Variants in PCSK5 observed in about 807,000 individuals in gnomAD.
The protein encoded by PCSK5 is prohormone convertase 5.
Under a neutral mutation model 233.2 loss-of-function variants are expected in PCSK5, and 129 were observed. The observed-to-expected ratio is 0.55, with a 90% CI of 0.48 to 0.64. The LOEUF (loss-of-function observed/expected upper bound fraction) is 0.64. Ranked by LOEUF, PCSK5 falls within the 30% of genes least tolerant of loss-of-function variation. PCSK5 has a pLI of 0.00. For missense variants in PCSK5, 2,076 were observed against 2,430.1 expected, an observed-to-expected ratio of 0.85 and a Z score of 3.06; for synonymous variants, 825 against 879.2, an observed-to-expected ratio of 0.94 and a Z score of 1.09.
chr9:76,189,014 A>G (rs1824235675), intron 18 of PCSK5, 80 bp from the exon 19 acceptor site: 2 of 1,236,484 alleles, frequency 1.6e-6, no homozygotes, highest in Non-Finnish European at 2.3e-6. Flanking sequence ...CCATTTTCTC[A>G]AACTGTTAAA....
chr9:76,152,103 G>A (rs551125051), intron 10 of PCSK5, among the ~76,000 whole-genome samples: 2 of 152,276 alleles, frequency 1.3e-5, no homozygotes, highest in South Asian at 4.1e-4. Flanking sequence ...GTAGGTGCAG[G>A]ATGCCTGACT....
At chr9:76,209,001 G>A (rs1288092505) in intron 20 of PCSK5, among the ~76,000 whole-genome samples, 1 of 152,162 alleles carries the variant, frequency 6.6e-6, no homozygotes, top group African/African-American at 2.4e-5. Context: ...CTTCTGTGCT[G>A]GAAAGACATT....
chr9:76,223,906 C>T (rs1191132766), intron 20 of PCSK5, among the ~76,000 whole-genome samples: 3 of 152,196 alleles, frequency 2.0e-5, no homozygotes, highest in Non-Finnish European at 4.4e-5. Flanking sequence ...CTGGTTTCTT[C>T]AGTTCCAAAC....
intron 2 of PCSK5, among the ~76,000 whole-genome samples, chr9:75,954,144 G>T (rs940772135): frequency 6.6e-6 from 1 of 152,162 alleles, no homozygotes; most frequent in Non-Finnish European, 1.5e-5. Context: ...AAGTGATTTT[G>T]TAAACATGCT....
chr9:75,987,796 A>G (rs1826587095), intron 3 of PCSK5, among the ~76,000 whole-genome samples: 1 of 152,218 alleles, frequency 6.6e-6, no homozygotes. Flanking sequence ...TGCACTGACA[A>G]AATGATAAGA....
chr9:76,143,190 C>T (rs1297512950), intron 10 of PCSK5, among the ~76,000 whole-genome samples: 3 of 151,678 alleles, frequency 2.0e-5, no homozygotes, highest in Non-Finnish European at 4.4e-5. Flanking sequence ...TTGTGTTTCT[C>T]GGGGACTGGA....
chr9:76,327,487 C>T (rs72743128), intron 32 of PCSK5, among the ~76,000 whole-genome samples: 18,315 of 152,144 alleles, frequency 0.12, 1,264 homozygotes, highest in African/African-American at 0.15. Context: ...AAATACTTAT[C>T]GATTCCTATT....
intron 10 of PCSK5, among the ~76,000 whole-genome samples, chr9:76,139,796 A>C (rs1823133221): frequency 6.6e-6 from 1 of 152,130 alleles, no homozygotes; most frequent in South Asian, 2.1e-4. Flanking sequence ...ACAAAAACTA[A>C]ACAAACAAAC....
At chr9:75,912,726 A>G (rs1025371803) in intron 1 of PCSK5, among the ~76,000 whole-genome samples, 2 of 152,232 alleles carry the variant, frequency 1.3e-5, no homozygotes, top group Non-Finnish European at 2.9e-5. Flanking sequence ...GAATGTGTAC[A>G]TACATACACA....
chr9:76,007,795 T>TG (rs1563969163), intron 3 of PCSK5, among the ~76,000 whole-genome samples: 12 of 132,874 alleles, frequency 9.0e-5, no homozygotes, highest in South Asian at 2.8e-4. Flanking sequence ...CCCGGCTAAT[T>TG]TTGTGTGTGT....
rs1416679687 is a variant in PCSK5, at chr9:76,310,769, G to A, written c.3802G>A (p.Ala1268Thr). 1.2e-6 allele frequency: 2 copies of A among 1,612,296 alleles called. No homozygotes were observed. Among genetic ancestry groups the A allele is most frequent in the Non-Finnish European group, 8.5e-7 (1 of 1,179,670 alleles). Residue 1268 changes from alanine to threonine, a missense_variant, in exon 30 of 38, where the codon GCC becomes ACC. This residue lies in a region of PCSK5 where 1,510 missense variants were observed against 1,538.1 expected (regional missense o/e 0.98). Transcript: ENST00000674117. ...CTEACAICSG[A>T]DLCKKCQMQP... ...GGAGGCCTGTGCCATCTGCTCTGGA[G>A]CCGATCTTTGCAAAAAATGCCAGAT...
chr9:76,228,526 T>G (rs560020943), intron 21 of PCSK5, among the ~76,000 whole-genome samples: 1 of 152,346 alleles, frequency 6.6e-6, no homozygotes, highest in Admixed American at 6.5e-5. Context: ...CTCAGTAATG[T>G]TTGCTAACTG....
At chr9:76,299,786 G>T (rs751293078) in intron 27 of PCSK5, among the ~76,000 whole-genome samples, 1 of 152,336 alleles carries the variant, frequency 6.6e-6, no homozygotes. Context: ...AGGTATGGCA[G>T]ACCACGGGCT....
At position 76,169,843 on chromosome 9, in the gene PCSK5, G is replaced by A. The variant is rs755254542; in HGVS notation, c.1756+3G>A. 1.2e-6 allele frequency: 2 copies of A among 1,612,436 alleles called. No homozygotes were observed. Among genetic ancestry groups the A allele is most frequent in the African/African-American group, 1.3e-5 (1 of 74,964 alleles). ...GCTAAGGAACTTTAAGACTCCAGGT[G>A]AGAACTCCCTTTCTATACATTGTTC... On this transcript the variant is annotated splice_donor_region_variant and intron_variant, in intron 13 of 37. Coordinates refer to ENST00000674117, the MANE Select transcript of PCSK5 (RefSeq NM_001372043.1).
At chr9:76,186,073 C>T (rs10869723) in intron 17 of PCSK5, among the ~76,000 whole-genome samples, 37,936 of 151,920 alleles carry the variant, frequency 0.25, 4,953 homozygotes, top group Middle Eastern at 0.41. Context: ...TAAAAAGATA[C>T]AGGGGAAATG....
intron 31 of PCSK5, 22 bp downstream of exon 31, chr9:76,321,661 G>A (rs755993312): frequency 3.3e-5 from 50 of 1,522,296 alleles, no homozygotes; most frequent in Non-Finnish European, 4.2e-5. Flanking sequence ...CTTCCCACAG[G>A]AGAGCAAGGC....
At chr9:76,326,820 A>G (rs78627779) in intron 32 of PCSK5, among the ~76,000 whole-genome samples, 4 of 150,964 alleles carry the variant, frequency 2.6e-5, no homozygotes, top group Non-Finnish European at 5.9e-5. Context: ...AGCCAAGAGC[A>G]AAAATAAGGC....
At position 76,163,859 on chromosome 9, in the gene PCSK5, C is replaced by CTTTT. The variant is rs67386134; in HGVS notation, c.1619+4705_1619+4708dup. Among the ~76,000 whole-genome samples the CTTTT allele has an allele frequency of 2.4e-3, 239 of 97,660 alleles. 6 individuals carry two copies. Among genetic ancestry groups the CTTTT allele is most frequent in the East Asian group, 0.01 (33 of 3,220 alleles). 64.1% of individuals were successfully genotyped at this position (97,660 alleles called of 152,430 possible). ...ATCTGTTAGAATTATAAAAAGCTGT[C>CTTTT]TTTTTTTTTTTTTTTTTTTTCCTGA... On this transcript the variant is annotated intron_variant, in intron 12 of 37. Coordinates refer to ENST00000674117, the MANE Select transcript of PCSK5 (RefSeq NM_001372043.1).
rs12342849 is a variant in PCSK5, at chr9:76,133,446, C to G, written c.1209-663C>G. Among the ~76,000 whole-genome samples, 1,454 of 152,032 alleles carry G rather than the reference C, an allele frequency of 9.6e-3. 30 individuals are homozygous for G. The highest frequency in any genetic ancestry group is 0.033 in the African/African-American group (1,376 of 41,466). On this transcript the variant is annotated intron_variant, in intron 9 of 37. Coordinates refer to ENST00000674117, the MANE Select transcript of PCSK5 (RefSeq NM_001372043.1). ...GTAGTCTCTTTTGTGTTCTTCAGTG[C>G]TAGTAGCCATAAGAACTAGGTGTCT...
Sources: allele counts gnomAD v4.1 joint callset (sites outside exome capture counted in the v4.1 genomes callset), GRCh38; gene constraint gnomAD v4.1.1; regional missense constraint gnomAD v4.1.1; transcripts MANE v1.5; gene names NCBI Gene and HGNC (gene_info 2026-07-23, HGNC 2026-07-21).